Variants in RAD21 observed in about 807,000 individuals in gnomAD.
RAD21 encodes the protein double-strand-break repair protein rad21 homolog.
In RAD21, 18 loss-of-function variants were observed where a neutral mutation model predicts 71.5. That is an observed-to-expected ratio of 0.25 (90% CI 0.17 to 0.37). RAD21 has a LOEUF of 0.37. Ranked by LOEUF, RAD21 falls within the 10% of genes least tolerant of loss-of-function variation. The pLI, the probability that RAD21 is intolerant of heterozygous loss-of-function variation, is 1.00. For synonymous variants in RAD21, 248 were observed against 254.0 expected (o/e 0.98, Z 0.22); for missense variants, 493 against 769.1 (o/e 0.64, Z 4.25).
chr8:116,866,582 A>G lies in RAD21; in HGVS notation c.144+4T>C. 1 of 1,594,448 alleles carries G rather than the reference A, an allele frequency of 6.3e-7. No individual in the cohort carries two copies. Among genetic ancestry groups the G allele is most frequent in the Non-Finnish European group, 8.5e-7 (1 of 1,171,468 alleles). On this transcript the variant is annotated splice_donor_region_variant and intron_variant, in intron 2 of 13. Coordinates refer to ENST00000297338, the MANE Select transcript of RAD21 (RefSeq NM_006265.3). ...GTGAATAAAAATGTCAACATCAAAC[A>G]TACCTTTGGTGAGATGATACTCTCC...
intron 1 of RAD21, among the ~76,000 whole-genome samples, chr8:116,871,572 C>A (rs964988994): frequency 6.6e-6 from 1 of 152,170 alleles, no homozygotes; most frequent in African/African-American, 2.4e-5. Context: ...TGGTACTGTC[C>A]TCTCTGAAGG....
At chr8:116,859,756 A>G (rs543793786) in intron 4 of RAD21, among the ~76,000 whole-genome samples, 52 of 151,990 alleles carry the variant, frequency 3.4e-4, no homozygotes, top group African/African-American at 1.2e-3. Context: ...AATGGCTACT[A>G]TTTGTTCAAG....
rs369816312 is a variant in RAD21, at chr8:116,852,713, T to TA, written c.1162-6dup. ...TGTAAGACAGCGTGTAAAGAGCTAT[T>TA]AAAAAAAAAAAAAAGAAAAATTTCA... On this transcript the variant is annotated splice_polypyrimidine_tract_variant and splice_region_variant and intron_variant, in intron 9 of 13. Transcript: ENST00000297338. 0.18 allele frequency: 175,626 copies of TA among 1,001,044 alleles called. 118 individuals are homozygous for TA. Among genetic ancestry groups the TA allele is most frequent in the Non-Finnish European group, 0.19 (139,554 of 743,048 alleles). 62.0% of individuals were successfully genotyped at this position (1,001,044 alleles called of 1,614,324 possible).
At position 116,847,053 on chromosome 8, in the gene RAD21, G is replaced by A. The variant is rs1812264255; in HGVS notation, c.*447C>T. On this transcript the variant is annotated 3_prime_UTR_variant, in exon 14 of 14. Coordinates refer to ENST00000297338, the MANE Select transcript of RAD21 (RefSeq NM_006265.3). ...TAACAGGAAGATTGCCAGTGTTACT[G>A]ATGGAAAGAAGTGTTTGTTTGTTTT... is the stretch of plus-strand genomic sequence containing the variant. The A allele has an allele frequency of 4.5e-6, 1 of 224,432 alleles. No homozygotes were observed. The highest frequency in any genetic ancestry group is 8.9e-6 in the Non-Finnish European group (1 of 112,510). 13.9% of individuals were successfully genotyped at this position (224,432 alleles called of 1,614,324 possible). A position where few individuals can be genotyped will look rare whatever the true frequency, so the allele number is the denominator to read the frequency against.
intron 5 of RAD21, among the ~76,000 whole-genome samples, chr8:116,858,082 C>T (rs892466492): frequency 1.6e-4 from 25 of 152,166 alleles, no homozygotes; most frequent in African/African-American, 3.4e-4. Context: ...TTGGTTTAAA[C>T]GTGATCACCA....
At chr8:116,847,713 G>T (rs1213003623) in intron 13 of RAD21, 22 bp from the exon 14 acceptor site, 6 of 1,599,724 alleles carry the variant, frequency 3.8e-6, no homozygotes, top group Non-Finnish European at 3.4e-6. Flanking sequence ...CCAAAAAAGG[G>T]TAACTTAATC....
In RAD21 at chr8:116,856,978, GTTTA is replaced by G. The variant is rs752110733; in HGVS notation, c.689-211_689-208del. 8.6e-4 allele frequency among the ~76,000 whole-genome samples: 111 copies of G among 129,728 alleles called. 2 individuals are homozygous for G. The highest frequency in any genetic ancestry group is 7.7e-3 in the South Asian group (28 of 3,618). 85.1% of individuals were successfully genotyped at this position (129,728 alleles called of 152,430 possible). A position where few individuals can be genotyped will look rare whatever the true frequency, so the allele number is the denominator to read the frequency against. Reference sequence around the variant, plus strand: ...TCTCATTCTTCATTTGTATTTTCTAGTTTATTTATCTATTTTAAAAAATATTTTA... The same window carrying G: ...TCTCATTCTTCATTTGTATTTTCTAGTTTATCTATTTTAAAAAATATTTTA... On this transcript the variant is annotated intron_variant, in intron 6 of 13. Transcript: ENST00000297338.
At chr8:116,867,603 T>G (rs927923925) in intron 1 of RAD21, among the ~76,000 whole-genome samples, 1 of 152,212 alleles carries the variant, frequency 6.6e-6, no homozygotes. Flanking sequence ...TTAAAAGAAA[T>G]CTACTTCAGA....
intron 4 of RAD21, among the ~76,000 whole-genome samples, chr8:116,859,659 C>T (rs2921786): frequency 2.0e-5 from 3 of 152,198 alleles, no homozygotes; most frequent in African/African-American, 7.2e-5. Flanking sequence ...TGCCCTCCCC[C>T]ACCCCCGCAA....
chr8:116,851,865 T>TTTCTG, intron 11 of RAD21, 83 bp downstream of exon 11: 1 of 1,434,812 alleles, frequency 7.0e-7, no homozygotes, highest in East Asian at 2.3e-5. Context: ...ACCAAGATAC[T>TTTCTG]TTAAAAGGCC....
chr8:116,851,356 T>A (rs1427614463), intron 11 of RAD21: 1 of 152,262 alleles, frequency 6.6e-6, no homozygotes, highest in Non-Finnish European at 1.5e-5. Flanking sequence ...CACAGAAAAC[T>A]AGTTCTTAAA....
Position 116,847,291 on chromosome 8 carries a change from T to A in RAD21, c.*209A>T, listed in dbSNP as rs1293930844. 4.2e-6 allele frequency: 2 copies of A among 479,658 alleles called. No individual in the cohort carries two copies. The highest frequency in any genetic ancestry group is 3.8e-5 in the Admixed American group (1 of 26,376). The allele number at this position is 479,658 out of a possible 1,614,324, so 29.7% of individuals were successfully genotyped here. On this transcript the variant is annotated 3_prime_UTR_variant, in exon 14 of 14. Coordinates refer to ENST00000297338, the MANE Select transcript of RAD21 (RefSeq NM_006265.3). ...AGTCCTTGGGGTGCTGTTTTCTCCA[T>A]CAGAACACAAACACAACCCATCTAA...
At position 116,858,433 on chromosome 8, in the gene RAD21, T is replaced by C. The variant is rs1812516520; in HGVS notation, c.400A>G (p.Ser134Gly). Residue 134 changes from serine (S) to glycine (G), a missense_variant, in exon 5 of 14, where the codon AGC becomes GGC. Coordinates refer to ENST00000297338, the MANE Select transcript of RAD21 (RefSeq NM_006265.3). ...LDDIDVAQQF[S>G]LNQSRVEEIT... ...TCTTCCACTCTACTCTGATTCAAGC[T>C]GAACTGCTGGGCCACATCGATGTCA... 3 of 1,613,076 alleles carry C rather than the reference T, an allele frequency of 1.9e-6. No homozygotes were observed. Among genetic ancestry groups the C allele is most frequent in the Non-Finnish European group, 2.5e-6 (3 of 1,179,492 alleles).
chr8:116,859,691 C>T (rs754221005), intron 4 of RAD21, among the ~76,000 whole-genome samples: 6 of 152,054 alleles, frequency 3.9e-5, no homozygotes, highest in Non-Finnish European at 7.4e-5. Flanking sequence ...CTTCTTGGGC[C>T]TCCCTGTTCC....
chr8:116,856,653 A>G lies in RAD21; in HGVS notation c.807T>C (p.Asn269=), dbSNP rs372221161. ...TGAACATGAAATGCTTACTTGATAC[A>G]TTATCATCCTCATCCATATCGTCAT... ...PAHDDMDEDD[N]VSMGGPDSPD... is the part of the protein sequence containing the mutation. The change falls in exon 7 of 14, where the codon AAT becomes AAC. Residue 269 remains asparagine (N), a synonymous_variant. Coordinates refer to ENST00000297338, the MANE Select transcript of RAD21 (RefSeq NM_006265.3). The G allele has an allele frequency of 1.5e-5, 24 of 1,593,200 alleles. No homozygotes were observed. Among genetic ancestry groups the G allele is most frequent in the Non-Finnish European group, 2.0e-5 (23 of 1,169,576 alleles).
At chr8:116,847,732 A>G (rs1324156223) in intron 13 of RAD21, 41 bp from the exon 14 acceptor site, 6 of 1,530,878 alleles carry the variant, frequency 3.9e-6, no homozygotes, top group South Asian at 1.2e-5. Flanking sequence ...TCTGTATAAT[A>G]AAGTAGTAAT....
At chr8:116,868,314 C>G (rs183829100) in intron 1 of RAD21, among the ~76,000 whole-genome samples, 12 of 152,290 alleles carry the variant, frequency 7.9e-5, no homozygotes, top group Non-Finnish European at 1.2e-4. Context: ...CAAGTTGTTA[C>G]GTTTATCAAT....
At chr8:116,870,446 C>T (rs984020623) in intron 1 of RAD21, among the ~76,000 whole-genome samples, 2 of 152,210 alleles carry the variant, frequency 1.3e-5, no homozygotes, top group South Asian at 4.1e-4. Context: ...AAGGTACGAG[C>T]ATTAAATAAC....
intron 2 of RAD21, 23 bp from the exon 3 acceptor site, chr8:116,863,282 A>C: frequency 6.3e-7 from 1 of 1,596,246 alleles, no homozygotes; most frequent in Non-Finnish European, 8.6e-7. Context: ...CATTAATCAT[A>C]TTCCAAAACC....
Sources: gnomAD v4.1 joint callset for allele counts (sites outside exome capture counted in the v4.1 genomes callset) on GRCh38, gnomAD v4.1.1 for gene constraint, MANE v1.5 for transcripts, NCBI Gene and HGNC (gene_info 2026-07-23, HGNC 2026-07-21) for gene names.